Variants in NRXN1 observed in about 807,000 individuals in gnomAD.
The protein encoded by NRXN1 is neurexin-1.
A neutral mutation model predicts 150.9 loss-of-function variants in NRXN1; 39 were observed. That is an observed-to-expected ratio of 0.26 (90% CI 0.20 to 0.34). NRXN1 has a LOEUF of 0.34. Among genes scored for constraint, NRXN1 ranks in the 10% least tolerant of loss-of-function variants. The pLI is 1.00. For missense variants in NRXN1, 1,815 were observed against 1,949.9 expected (o/e 0.93, Z 1.30); for synonymous variants, 924 against 757.0 (o/e 1.22, Z -3.62).
intron 17 of NRXN1, among the ~76,000 whole-genome samples, chr2:50,363,474 A>T (rs1403491872): frequency 1.3e-5 from 2 of 152,238 alleles, no homozygotes; most frequent in Admixed American, 6.5e-5. Flanking sequence ...TTATGCAGCC[A>T]ATAAACACAT....
intron 17 of NRXN1, among the ~76,000 whole-genome samples, chr2:50,332,696 T>C (rs2076911895): frequency 6.6e-6 from 1 of 152,250 alleles, no homozygotes; most frequent in African/African-American, 2.4e-5. Flanking sequence ...CCAATTGCTC[T>C]TTAATAATTC....
chr2:50,140,796 A>T (rs910235221), intron 18 of NRXN1, among the ~76,000 whole-genome samples: 1 of 151,976 alleles, frequency 6.6e-6, no homozygotes. Context: ...AAACACAGGT[A>T]TGGGAAGGCT....
chr2:50,336,065 C>G (rs1184728312), intron 17 of NRXN1, among the ~76,000 whole-genome samples: 1 of 152,086 alleles, frequency 6.6e-6, no homozygotes, highest in Non-Finnish European at 1.5e-5. Context: ...GGCTCAGAGG[C>G]TTAGGAACTG....
intron 13 of NRXN1, 77 bp downstream of exon 13, chr2:50,506,418 G>A: frequency 7.3e-7 from 1 of 1,372,074 alleles, no homozygotes; most frequent in Non-Finnish European, 1.0e-6. Flanking sequence ...TACCAGCCTT[G>A]GTGTGCAAAA....
intron 18 of NRXN1, among the ~76,000 whole-genome samples, chr2:50,225,403 T>C (rs1422009168): frequency 6.6e-6 from 1 of 151,976 alleles, no homozygotes; most frequent in Non-Finnish European, 1.5e-5. Flanking sequence ...TACATAGTAT[T>C]ATACATTGTC....
intron 8 of NRXN1, chr2:50,619,293 T>A (rs1006505442): frequency 6.6e-6 from 1 of 152,160 alleles, no homozygotes; most frequent in African/African-American, 2.4e-5. Context: ...TGTGTCTGAA[T>A]GAATTTTTTT....
intron 18 of NRXN1, among the ~76,000 whole-genome samples, chr2:50,107,066 A>C (rs1701749144): frequency 1.3e-5 from 2 of 151,968 alleles, no homozygotes; most frequent in Non-Finnish European, 2.9e-5. Flanking sequence ...TTCTCCAAAT[A>C]AATACACAAA....
rs185991640 is a variant in NRXN1 at position 50,520,124 on chromosome 2, T to G, written c.2374+8501A>C. On this transcript the variant is annotated intron_variant, in intron 12 of 22. Transcript: ENST00000401669. ...AAGTATTATGTGCTATAAGGGCATT[T>G]AAGACATTAATAAAACTTTTCTGTG... Among the ~76,000 whole-genome samples the G allele has an allele frequency of 6.5e-4, 99 of 152,048 alleles. 1 individual carries two copies. The highest frequency in any genetic ancestry group is 1.1e-3 in the Non-Finnish European group (77 of 67,832).
chr2:50,003,575 AT>A (rs1385445439), intron 21 of NRXN1, among the ~76,000 whole-genome samples: 1 of 152,110 alleles, frequency 6.6e-6, no homozygotes, highest in Non-Finnish European at 1.5e-5. Flanking sequence ...ACTCAAAACA[AT>A]TTTCAGAATG....
intron 18 of NRXN1, among the ~76,000 whole-genome samples, chr2:50,157,187 T>C (rs915020785): frequency 6.6e-6 from 1 of 151,974 alleles, no homozygotes; most frequent in African/African-American, 2.4e-5. Context: ...GGGCTCTGTC[T>C]CTAAGGCTAC....
At chr2:50,931,015 A>C (rs1231898327) in intron 2 of NRXN1, among the ~76,000 whole-genome samples, 1 of 151,958 alleles carries the variant, frequency 6.6e-6, no homozygotes, top group Non-Finnish European at 1.5e-5. Flanking sequence ...CAACTTACCA[A>C]CCCTTCTAGT....
At chr2:50,646,949 C>G (rs921947454) in intron 5 of NRXN1, among the ~76,000 whole-genome samples, 2 of 151,664 alleles carry the variant, frequency 1.3e-5, no homozygotes, top group Non-Finnish European at 2.9e-5. Flanking sequence ...AGAGTATTTT[C>G]CTACAGAGAA....
intron 17 of NRXN1, among the ~76,000 whole-genome samples, chr2:50,442,056 T>A (rs1002499796): frequency 3.9e-5 from 6 of 152,162 alleles, no homozygotes; most frequent in African/African-American, 1.4e-4. Context: ...TGTCCATCAC[T>A]GTGGCTATAC....
At chr2:50,184,725 TC>T (rs2060952924) in intron 18 of NRXN1, among the ~76,000 whole-genome samples, 1 of 152,048 alleles carries the variant, frequency 6.6e-6, no homozygotes, top group African/African-American at 2.4e-5. Flanking sequence ...TCTCTCTCAA[TC>T]TTTTAATTTA....
chr2:50,087,537 A>G (rs1698963511), intron 19 of NRXN1, among the ~76,000 whole-genome samples: 1 of 152,130 alleles, frequency 6.6e-6, no homozygotes, highest in Non-Finnish European at 1.5e-5. Context: ...ATTTTCCCGC[A>G]TAACTGTAAT....
chr2:50,211,020 G>C (rs2152843786), intron 18 of NRXN1, among the ~76,000 whole-genome samples: 1 of 151,648 alleles, frequency 6.6e-6, no homozygotes, highest in East Asian at 1.9e-4. Flanking sequence ...TTCTATTAAA[G>C]AGAAAGCTTT....
intron 5 of NRXN1, among the ~76,000 whole-genome samples, chr2:50,799,015 T>G (rs1707228200): frequency 6.6e-6 from 1 of 152,168 alleles, no homozygotes; most frequent in Non-Finnish European, 1.5e-5. Context: ...TTGAAAGTAA[T>G]GACAAAAAAT....
chr2:50,779,240 G>C (rs1267215504), intron 5 of NRXN1, among the ~76,000 whole-genome samples: 3 of 123,836 alleles, frequency 2.4e-5, no homozygotes, highest in African/African-American at 9.7e-5. Context: ...TGTTCTCACT[G>C]TGCAACTCCC....
chr2:50,217,646 C>T (rs2063495919), intron 18 of NRXN1, among the ~76,000 whole-genome samples: 1 of 151,926 alleles, frequency 6.6e-6, no homozygotes. Context: ...CCTAGGAAAG[C>T]GTGCATTCTG....
Sources: gnomAD v4.1 joint callset for allele counts (sites outside exome capture counted in the v4.1 genomes callset) on GRCh38, gnomAD v4.1.1 for gene constraint, MANE v1.5 for transcripts, NCBI Gene and HGNC (gene_info 2026-07-23, HGNC 2026-07-21) for gene names.